The following GALNTL6 variants were observed in gnomAD, a reference collection of about 807,000 sequenced individuals.
GALNTL6 encodes polypeptide N-acetylgalactosaminyltransferase-like 6.
A neutral mutation model predicts 73.7 loss-of-function variants in GALNTL6; 46 were observed. That is an observed-to-expected ratio of 0.62 (90% CI 0.49 to 0.80). The LOEUF is 0.80. Among genes scored for constraint, GALNTL6 ranks in the 30% least tolerant of loss-of-function variants. The probability of loss-of-function intolerance (pLI) is 0.00; values close to 1 mark genes in which losing one functional copy is unlikely to be tolerated. For missense variants in GALNTL6, 604 were observed against 755.0 expected, an observed-to-expected ratio of 0.80 and a Z score of 2.34; for synonymous variants, 259 against 263.7, an observed-to-expected ratio of 0.98 and a Z score of 0.17.
intron 2 of GALNTL6, among the ~76,000 whole-genome samples, chr4:172,028,295 A>T (rs1415156945): frequency 7.0e-6 from 1 of 143,150 alleles, no homozygotes; most frequent in African/African-American, 2.5e-5. Context: ...TGAAAAAAAA[A>T]GTATAAAAAC....
chr4:172,047,877 T>C (rs1742264862), intron 2 of GALNTL6, among the ~76,000 whole-genome samples: 1 of 152,104 alleles, frequency 6.6e-6, no homozygotes, highest in Admixed American at 6.6e-5. Flanking sequence ...ATTATTATTG[T>C]GTTAATATAA....
intron 2 of GALNTL6, among the ~76,000 whole-genome samples, chr4:172,030,715 G>T (rs1479505179): frequency 1.3e-5 from 2 of 151,442 alleles, no homozygotes; most frequent in African/African-American, 4.9e-5. Context: ...GTCTCCAAAA[G>T]AATAAAATAT....
At chr4:172,965,026 A>G (rs549024109) in intron 10 of GALNTL6, among the ~76,000 whole-genome samples, 1 of 152,304 alleles carries the variant, frequency 6.6e-6, no homozygotes, top group African/African-American at 2.4e-5. Context: ...GCTATATCTC[A>G]TCAACCCAGA....
At chr4:172,927,277 A>G (rs1748108052) in intron 8 of GALNTL6, among the ~76,000 whole-genome samples, 1 of 152,232 alleles carries the variant, frequency 6.6e-6, no homozygotes, top group Non-Finnish European at 1.5e-5. Flanking sequence ...AATACAAAGG[A>G]GCTGGGAATT....
At chr4:172,857,219 T>C (rs982065731) in intron 7 of GALNTL6, among the ~76,000 whole-genome samples, 3 of 152,220 alleles carry the variant, frequency 2.0e-5, no homozygotes, top group African/African-American at 7.2e-5. Context: ...TTTTATTCCC[T>C]TGCCCCTGAA....
chr4:172,067,497 G>A (rs1419173457), intron 2 of GALNTL6, among the ~76,000 whole-genome samples: 1 of 41,216 alleles, frequency 2.4e-5, no homozygotes, highest in African/African-American at 9.1e-5. Flanking sequence ...CATCTACTTG[G>A]CCTCTGCACT....
chr4:172,792,333 GTA>G (rs1740040640), intron 5 of GALNTL6, among the ~76,000 whole-genome samples: 1 of 62,220 alleles, frequency 1.6e-5, no homozygotes, highest in Non-Finnish European at 4.1e-5. Context: ...ATGCATATAT[GTA>G]TATATATACA....
intron 5 of GALNTL6, among the ~76,000 whole-genome samples, chr4:172,786,137 AG>A (rs1468932879): frequency 2.6e-5 from 4 of 152,258 alleles, no homozygotes; most frequent in African/African-American, 4.8e-5. Flanking sequence ...AAAAAAAAAA[AG>A]TACTTGAACT....
intron 5 of GALNTL6, among the ~76,000 whole-genome samples, chr4:172,757,059 T>C (rs1737794566): frequency 6.6e-6 from 1 of 152,208 alleles, no homozygotes; most frequent in African/African-American, 2.4e-5. Context: ...TTTTTTCCCA[T>C]TATTAATTGG....
chr4:171,854,656 A>G (rs1578913457), intron 2 of GALNTL6, among the ~76,000 whole-genome samples: 1 of 152,146 alleles, frequency 6.6e-6, no homozygotes, highest in Non-Finnish European at 1.5e-5. Flanking sequence ...AGAGGCTGGG[A>G]GGTGGAAGGT....
intron 2 of GALNTL6, among the ~76,000 whole-genome samples, chr4:171,836,552 GCTC>G (rs2110834628): frequency 6.6e-6 from 1 of 152,144 alleles, no homozygotes; most frequent in East Asian, 1.9e-4. Flanking sequence ...CTATTTGAAT[GCTC>G]CTCCTTTCTA....
At chr4:172,896,953 C>T (rs893886567) in intron 8 of GALNTL6, among the ~76,000 whole-genome samples, 16 of 152,064 alleles carry the variant, frequency 1.1e-4, no homozygotes, top group Admixed American at 6.5e-5. Context: ...CCCAGCAGGT[C>T]CCTGCACAGA....
At chr4:172,364,126 T>C (rs1202149424) in intron 5 of GALNTL6, among the ~76,000 whole-genome samples, 1 of 152,206 alleles carries the variant, frequency 6.6e-6, no homozygotes, top group Non-Finnish European at 1.5e-5. Flanking sequence ...TTGATAGATT[T>C]AGTAAAATTA....
At chr4:172,450,410 C>T (rs951439354) in intron 5 of GALNTL6, among the ~76,000 whole-genome samples, 2 of 152,148 alleles carry the variant, frequency 1.3e-5, no homozygotes, top group African/African-American at 4.8e-5. Flanking sequence ...CCATCATCTC[C>T]ACTAACATGA....
chr4:172,362,341 T>C (rs1227681973), intron 5 of GALNTL6, among the ~76,000 whole-genome samples: 1 of 151,806 alleles, frequency 6.6e-6, no homozygotes, highest in Non-Finnish European at 1.5e-5. Context: ...ATTTAAGTAA[T>C]TTATAAGTGT....
At chr4:171,897,019 A>G (rs1313197164) in intron 2 of GALNTL6, among the ~76,000 whole-genome samples, 1 of 106,378 alleles carries the variant, frequency 9.4e-6, no homozygotes, top group African/African-American at 4.2e-5. Context: ...ACAATAAATT[A>G]TATTAAATAT....
intron 10 of GALNTL6, among the ~76,000 whole-genome samples, chr4:172,959,198 G>A (rs539953690): frequency 2.4e-4 from 37 of 152,148 alleles, no homozygotes; most frequent in African/African-American, 8.9e-4. Context: ...GAGTAGAGGT[G>A]TCCTATACTT....
chr4:172,057,728 ATATATATAT>A (rs1461411909), intron 2 of GALNTL6, among the ~76,000 whole-genome samples: 3 of 62,282 alleles, frequency 4.8e-5, no homozygotes, highest in African/African-American at 1.9e-4. Flanking sequence ...AAAAAAAAAA[ATATATATAT>A]ATATATATAT....
intron 6 of GALNTL6, among the ~76,000 whole-genome samples, chr4:172,810,544 C>T (rs1205376786): frequency 6.6e-6 from 1 of 152,078 alleles, no homozygotes; most frequent in Admixed American, 6.6e-5. Flanking sequence ...CTATTGACTA[C>T]TGTGTAGGTT....
Sources: allele counts gnomAD v4.1 joint callset (sites outside exome capture counted in the v4.1 genomes callset), GRCh38; gene constraint gnomAD v4.1.1; transcripts MANE v1.5; gene names NCBI Gene and HGNC (gene_info 2026-07-23, HGNC 2026-07-21).